Variants in ABCA10 observed in about 807,000 individuals in gnomAD.
ABCA10 encodes ATP binding cassette subfamily A member 10, also known as ATP-binding cassette sub-family A member 10.
ABCA10 carries 169 observed loss-of-function variants against 187.5 expected under a neutral mutation model. The ratio of observed to expected loss-of-function variants is 0.90; its 90% CI spans 0.80 to 1.02. ABCA10 has a LOEUF of 1.02. ABCA10 is among the 50% of genes least tolerant of loss of function. The probability of loss-of-function intolerance (pLI) is 0.00; values close to 1 mark genes in which losing one functional copy is unlikely to be tolerated. For missense variants in ABCA10, 1,727 were observed against 1,812.4 expected (o/e 0.95, Z 0.86); for synonymous variants, 574 against 601.8 (o/e 0.95, Z 0.68).
intron 22 of ABCA10, among the ~76,000 whole-genome samples, chr17:69,176,647 A>G (rs1036699243): frequency 1.3e-5 from 2 of 152,096 alleles, no homozygotes; most frequent in Non-Finnish European, 2.9e-5. Context: ...AAAGGATATT[A>G]CCCATGTTGT....
intron 25 of ABCA10, among the ~76,000 whole-genome samples, chr17:69,165,877 T>C (rs139238754): frequency 4.0e-4 from 61 of 152,300 alleles, no homozygotes; most frequent in Middle Eastern, 3.4e-3. Flanking sequence ...AAAATATATG[T>C]AGATATTAGT....
intron 2 of ABCA10, among the ~76,000 whole-genome samples, chr17:69,226,387 G>A (rs1029986587): frequency 2.6e-5 from 4 of 151,910 alleles, no homozygotes; most frequent in Admixed American, 6.6e-5. Context: ...ATATTTGATC[G>A]AACTGCTTCG....
At chr17:69,155,445 T>C (rs2074166243) in intron 29 of ABCA10, among the ~76,000 whole-genome samples, 3 of 152,248 alleles carry the variant, frequency 2.0e-5, no homozygotes, top group African/African-American at 7.2e-5. Flanking sequence ...GTAAATTCAT[T>C]TGCTCTTGTT....
At chr17:69,153,428 C>T (rs774454802) in intron 33 of ABCA10, 29 bp from the exon 34 acceptor site, 2 of 1,613,634 alleles carry the variant, frequency 1.2e-6, no homozygotes, top group East Asian at 2.2e-5. Context: ...CCCGTCGGCA[C>T]CCAGCCATGG....
chr17:69,244,663 A>G (rs189318296), exon 1 of ABCA10: 123 of 151,672 alleles, frequency 8.1e-4, no homozygotes, highest in African/African-American at 2.9e-3. Flanking sequence ...AAACATTTCT[A>G]TTTCTCAAAA....
At position 69,214,717 on chromosome 17, in the gene ABCA10, C is replaced by T. The variant is rs757901733; in HGVS notation, c.993G>A (p.Glu331=). The change falls in exon 9 of 39, where the codon GAG becomes GAA. Residue 331 remains glutamate, a synonymous_variant. Transcript: ENST00000690296. The part of the protein sequence containing the change: ...LFYLIFTLYF[E]RVLPDKDGHG... ...CTATTAACTTACCAGGTAAAACTCGCTCAAAATATAATGTGAATATCAAAT... is the reference window on the plus strand; with the variant it reads ...CTATTAACTTACCAGGTAAAACTCGTTCAAAATATAATGTGAATATCAAAT... 4.0e-6 allele frequency: 6 copies of T among 1,507,180 alleles called. No individual in the cohort carries two copies. The highest frequency in any genetic ancestry group is 2.6e-5 in the Admixed American group (1 of 37,812). 93.4% of individuals were successfully genotyped at this position (1,507,180 alleles called of 1,614,324 possible).
upstream of ABCA10, among the ~76,000 whole-genome samples, chr17:69,229,924 T>A (rs1308665069): frequency 4.6e-5 from 7 of 152,090 alleles, no homozygotes; most frequent in African/African-American, 1.7e-4. Context: ...ACCAAATTTT[T>A]AAAATATTTT....
chr17:69,229,110 A>C (rs1049064743), upstream of ABCA10, among the ~76,000 whole-genome samples: 3 of 152,078 alleles, frequency 2.0e-5, no homozygotes, highest in African/African-American at 7.2e-5. Context: ...CATTTCAGTT[A>C]AATGGTTCCT....
chr17:69,219,848 C>A, intron 5 of ABCA10, 77 bp from the exon 6 acceptor site: 3 of 1,000,862 alleles, frequency 3.0e-6, no homozygotes, highest in Non-Finnish European at 4.3e-6. Flanking sequence ...TTTTTATTTT[C>A]GATTTCAATA....
In ABCA10 at chr17:69,148,200, A is replaced by G. The variant is rs1415820672; in HGVS notation, c.*627T>C. 2 of 152,292 alleles carry G rather than the reference A, an allele frequency of 1.3e-5. No individual in the cohort carries two copies. Among genetic ancestry groups the G allele is most frequent in the Admixed American group, 6.5e-5 (1 of 15,284 alleles). 9.4% of individuals were successfully genotyped at this position (152,292 alleles called of 1,614,324 possible). ...GAAAATGACTATGCCTACTGATACTACCTTTGAAAAAGGATCCATAAAAAA... is the reference window on the plus strand; with the variant it reads ...GAAAATGACTATGCCTACTGATACTGCCTTTGAAAAAGGATCCATAAAAAA... On this transcript the variant is annotated 3_prime_UTR_variant, in exon 39 of 39. Coordinates refer to ENST00000690296, the MANE Select transcript of ABCA10 (RefSeq NM_001377321.1).
At position 69,191,282 on chromosome 17, in the gene ABCA10, T is replaced by C; in HGVS notation, c.1905A>G (p.Lys635=). The C allele has an allele frequency of 1.2e-6, 2 of 1,600,600 alleles. No homozygotes were observed. The highest frequency in any genetic ancestry group is 1.7e-6 in the Non-Finnish European group (2 of 1,172,298). ...TGTGCTGCTTAATAAGGGATGTGAT[T>C]TTTTCTGTGTCACACATTTCATTCC... ...LHRNEMCDTE[K]ITSLIKQHIP... The change falls in exon 17 of 39, where the codon AAA becomes AAG. Residue 635 remains lysine, a synonymous_variant. Coordinates refer to ENST00000690296, the MANE Select transcript of ABCA10 (RefSeq NM_001377321.1).
At chr17:69,197,201 T>C (rs2074512533) in intron 10 of ABCA10, 79 bp from the exon 11 acceptor site, 2 of 1,148,708 alleles carry the variant, frequency 1.7e-6, no homozygotes, top group Middle Eastern at 3.9e-4. Context: ...TAACTAAGCC[T>C]GAACTTCACA....
At chr17:69,241,805 T>C (rs749471200) in intron 1 of ABCA10, among the ~76,000 whole-genome samples, 2 of 152,262 alleles carry the variant, frequency 1.3e-5, no homozygotes, top group Non-Finnish European at 1.5e-5. Flanking sequence ...TTTTGTCTAT[T>C]GTTTCAATAA....
At position 69,174,614 on chromosome 17, in the gene ABCA10, A is replaced by G. The variant is rs1177078268; in HGVS notation, c.3041T>C (p.Phe1014Ser). 10 of 1,594,210 alleles carry G rather than the reference A, an allele frequency of 6.3e-6. No individual in the cohort carries two copies. Among genetic ancestry groups the G allele is most frequent in the Non-Finnish European group, 7.7e-6 (9 of 1,173,166 alleles). The change falls in exon 24 of 39, where the codon TTT becomes TCT. Residue 1014 changes from phenylalanine to serine, a missense_variant. Coordinates refer to ENST00000690296, the MANE Select transcript of ABCA10 (RefSeq NM_001377321.1). ...LGFQLSWELM[F>S]VLVVCIIGCA... ...GAAAAAATGATCACTTACCAAAACAAACATGAGTTCCCATGAAAGCTGGAA... is the reference window on the plus strand; with the variant it reads ...GAAAAAATGATCACTTACCAAAACAGACATGAGTTCCCATGAAAGCTGGAA...
intron 27 of ABCA10, among the ~76,000 whole-genome samples, chr17:69,163,661 G>T (rs946019180): frequency 1.3e-5 from 2 of 152,122 alleles, no homozygotes; most frequent in Non-Finnish European, 2.9e-5. Flanking sequence ...ATAATACACA[G>T]AAATAACATT....
upstream of ABCA10, among the ~76,000 whole-genome samples, chr17:69,229,763 C>T (rs12942763): frequency 0.41 from 61,310 of 151,318 alleles, 13,471 homozygotes; most frequent in Middle Eastern, 0.52. Context: ...CCTATTCAGG[C>T]AAAATCATTA....
intron 36 of ABCA10, 195 bp from the exon 37 acceptor site, chr17:69,150,258 TTTTATG>T: frequency 2.1e-6 from 1 of 483,414 alleles, no homozygotes; most frequent in East Asian, 3.5e-5. Context: ...TTGCCTCTAA[TTTTATG>T]TTAAAGATAA....
At position 69,148,907 on chromosome 17, in the gene ABCA10, T is replaced by C; in HGVS notation, c.4552A>G (p.Lys1518Glu). ...TLEQVFLELC[K>E]EQELGNVDDK... ...TCAACATTTCCCAGCTCCTGCTCTT[T>C]ACAGAGTTCTAAGAATACCTAAGTA... The change falls in exon 39 of 39, where the codon AAA becomes GAA. Residue 1518 changes from lysine to glutamate, a missense_variant. Physicochemically the swap from Lys to Glu is moderately conservative, Grantham distance 56. Coordinates refer to ENST00000690296, the MANE Select transcript of ABCA10 (RefSeq NM_001377321.1). 6.2e-7 allele frequency: 1 copy of C among 1,613,788 alleles called. No homozygotes were observed. The highest frequency in any genetic ancestry group is 1.1e-5 in the South Asian group (1 of 91,064).
At chr17:69,237,923 G>C (rs1256701955) in intron 1 of ABCA10, among the ~76,000 whole-genome samples, 1 of 152,092 alleles carries the variant, frequency 6.6e-6, no homozygotes, top group Non-Finnish European at 1.5e-5. Context: ...AGCACTTTGG[G>C]AGGCCAAGGT....
Sources: gnomAD v4.1 joint callset for allele counts (sites outside exome capture counted in the v4.1 genomes callset) on GRCh38, gnomAD v4.1.1 for gene constraint, MANE v1.5 for transcripts, NCBI Gene and HGNC (gene_info 2026-07-23, HGNC 2026-07-21) for gene names.